Variants in EXOC4 observed in about 807,000 individuals in gnomAD.
The protein encoded by EXOC4 is SEC8-like 1.
A neutral mutation model predicts 107.2 loss-of-function variants in EXOC4; 71 were observed. The ratio of observed to expected loss-of-function variants is 0.66; its 90% CI spans 0.55 to 0.81. The LOEUF (loss-of-function observed/expected upper bound fraction) is 0.81, where lower values mean the gene tolerates loss of function less well. Among genes scored for constraint, EXOC4 ranks in the 30% least tolerant of loss-of-function variants. The pLI, the probability that EXOC4 is intolerant of heterozygous loss-of-function variation, is 0.00. For missense variants in EXOC4, 1,108 were observed against 1,189.6 expected, an observed-to-expected ratio of 0.93 and a Z score of 1.01; for synonymous variants, 456 against 441.2, an observed-to-expected ratio of 1.03 and a Z score of -0.42.
At chr7:133,255,560 A>G (rs549800381) in intron 1 of EXOC4, among the ~76,000 whole-genome samples, 1 of 152,134 alleles carries the variant, frequency 6.6e-6, no homozygotes, top group Admixed American at 6.5e-5. Context: ...GTGTAAGGGA[A>G]TGTCTAGACC....
chr7:133,372,256 G>A (rs186487549), intron 6 of EXOC4, among the ~76,000 whole-genome samples: 14 of 152,242 alleles, frequency 9.2e-5, no homozygotes, highest in Middle Eastern at 3.4e-3. Context: ...ATATGACACC[G>A]TTGTGCTTCG....
chr7:133,367,967 A>C (rs1584857714), intron 6 of EXOC4, among the ~76,000 whole-genome samples: 1 of 152,184 alleles, frequency 6.6e-6, no homozygotes, highest in Non-Finnish European at 1.5e-5. Flanking sequence ...TGCCCCTTGT[A>C]GAAGAAGGAC....
chr7:133,481,617 A>G (rs185773262), intron 9 of EXOC4, among the ~76,000 whole-genome samples: 25 of 152,312 alleles, frequency 1.6e-4, no homozygotes, highest in African/African-American at 5.5e-4. Flanking sequence ...TCATATTTAT[A>G]TCACAGTAAT....
chr7:134,073,649 GA>G, the EXOC4 span, among the ~76,000 whole-genome samples: 2 of 150,880 alleles, frequency 1.3e-5, no homozygotes, highest in Non-Finnish European at 2.9e-5. Context: ...ATTGAGGTGA[GA>G]AAAATGTCAC....
intron 11 of EXOC4, among the ~76,000 whole-genome samples, chr7:133,825,541 T>A (rs116216255): frequency 0.016 from 2,417 of 152,286 alleles, 88 homozygotes; most frequent in African/African-American, 0.055. Flanking sequence ...TTGCTAGAGA[T>A]AATTATACTG....
At chr7:133,299,107 C>T (rs913126330) in intron 3 of EXOC4, among the ~76,000 whole-genome samples, 2 of 152,126 alleles carry the variant, frequency 1.3e-5, no homozygotes, top group Non-Finnish European at 2.9e-5. Context: ...ATTATTGCAT[C>T]AGATGAGTGA....
At chr7:133,935,083 T>C (rs1398503660) in intron 13 of EXOC4, among the ~76,000 whole-genome samples, 1 of 152,036 alleles carries the variant, frequency 6.6e-6, no homozygotes, top group African/African-American at 2.4e-5. Context: ...ATTTTTATTG[T>C]CTGGGACTGC....
chr7:133,730,959 A>T (rs1441355196), intron 10 of EXOC4, among the ~76,000 whole-genome samples: 15 of 152,208 alleles, frequency 9.9e-5, no homozygotes, highest in Non-Finnish European at 1.9e-4. Context: ...TCACTTGATA[A>T]TAGTTACAAA....
At chr7:133,459,093 G>A (rs1043684495) in intron 7 of EXOC4, among the ~76,000 whole-genome samples, 1 of 152,186 alleles carries the variant, frequency 6.6e-6, no homozygotes, top group African/African-American at 2.4e-5. Flanking sequence ...CTCTGTAGCA[G>A]GATGTCTTAA....
intron 13 of EXOC4, among the ~76,000 whole-genome samples, chr7:133,929,331 G>A (rs934688227): frequency 6.6e-6 from 1 of 151,792 alleles, no homozygotes; most frequent in African/African-American, 2.4e-5. Context: ...ATTAGTGTAG[G>A]TTATTTAACC....
At chr7:133,902,779 C>T (rs767654539) in intron 12 of EXOC4, among the ~76,000 whole-genome samples, 16 of 151,654 alleles carry the variant, frequency 1.1e-4, no homozygotes, top group Non-Finnish European at 1.3e-4. Flanking sequence ...CGCTTGAACC[C>T]GGGAGGCAGA....
intron 14 of EXOC4, among the ~76,000 whole-genome samples, chr7:133,968,169 T>A (rs1801114635): frequency 6.6e-6 from 1 of 152,036 alleles, no homozygotes; most frequent in East Asian, 1.9e-4. Flanking sequence ...CTTTTTTTTC[T>A]CTTTTTTTGC....
At chr7:133,842,121 C>T (rs1222823947) in intron 11 of EXOC4, among the ~76,000 whole-genome samples, 1 of 152,162 alleles carries the variant, frequency 6.6e-6, no homozygotes, top group Non-Finnish European at 1.5e-5. Context: ...CATATGTTTG[C>T]ATGTGTCTTT....
At chr7:133,747,519 A>G (rs1047095763) in intron 10 of EXOC4, among the ~76,000 whole-genome samples, 27 of 152,172 alleles carry the variant, frequency 1.8e-4, no homozygotes, top group Non-Finnish European at 5.9e-5. Flanking sequence ...GACTAATATT[A>G]TAGTATATAG....
At chr7:134,084,727 A>AAAAG in the EXOC4 span, among the ~76,000 whole-genome samples, 1 of 145,114 alleles carries the variant, frequency 6.9e-6, no homozygotes, top group Non-Finnish European at 1.5e-5. Context: ...AAAAAAAAAA[A>AAAAG]AAATTCACCA....
At chr7:133,881,804 T>C (rs1214080335) in intron 11 of EXOC4, among the ~76,000 whole-genome samples, 1 of 152,236 alleles carries the variant, frequency 6.6e-6, no homozygotes, top group Non-Finnish European at 1.5e-5. Context: ...ACAATACTGC[T>C]ATGTCTTCAC....
chr7:133,403,172 C>G (rs542659657), intron 7 of EXOC4, among the ~76,000 whole-genome samples: 1 of 152,182 alleles, frequency 6.6e-6, no homozygotes, highest in African/African-American at 2.4e-5. Context: ...CGTGAGCCAT[C>G]GTGCCCGGCT....
At chr7:133,269,591 G>A (rs1240182934) in intron 1 of EXOC4, among the ~76,000 whole-genome samples, 1 of 152,204 alleles carries the variant, frequency 6.6e-6, no homozygotes, top group Admixed American at 6.5e-5. Flanking sequence ...ACACAGGGAT[G>A]CATGTAAATT....
chr7:134,011,543 C>A (rs1264546946), intron 17 of EXOC4, among the ~76,000 whole-genome samples: 1 of 151,922 alleles, frequency 6.6e-6, no homozygotes, highest in Non-Finnish European at 1.5e-5. Flanking sequence ...CTTAAACCTG[C>A]ACAAGGTAAG....
Sources: allele counts gnomAD v4.1 joint callset (sites outside exome capture counted in the v4.1 genomes callset), GRCh38; gene constraint gnomAD v4.1.1; transcripts MANE v1.5; gene names NCBI Gene and HGNC (gene_info 2026-07-23, HGNC 2026-07-21).